MGAT4C: variants seen among roughly 807,000 people sequenced by gnomAD.
MGAT4C encodes MGAT4 family member C.
MGAT4C carries 19 observed loss-of-function variants against 40.1 expected under a neutral mutation model. That is an observed-to-expected ratio of 0.47 (90% CI 0.33 to 0.70). MGAT4C has a LOEUF of 0.70. MGAT4C is among the 30% of genes least tolerant of loss of function. MGAT4C has a pLI of 0.02. For synonymous variants in MGAT4C, 181 were observed against 187.1 expected, an observed-to-expected ratio of 0.97 and a Z score of 0.27; for missense variants, 491 against 563.2, an observed-to-expected ratio of 0.87 and a Z score of 1.30.
At chr12:86,364,351 C>T (rs550868081) in intron 3 of MGAT4C, among the ~76,000 whole-genome samples, 1 of 152,124 alleles carries the variant, frequency 6.6e-6, no homozygotes, top group East Asian at 1.9e-4. Context: ...CTTCTGGGGA[C>T]TAAGCATAAT....
At chr12:86,741,114 T>C (rs1951061581) in intron 1 of MGAT4C, among the ~76,000 whole-genome samples, 1 of 151,084 alleles carries the variant, frequency 6.6e-6, no homozygotes, top group Non-Finnish European at 1.5e-5. Flanking sequence ...TGGTTTTCTG[T>C]TCCTGGTTTA....
chr12:86,793,420 C>T lies in MGAT4C; in HGVS notation c.-262+45246G>A, dbSNP rs188215261. Among the ~76,000 whole-genome samples, 251 of 152,034 alleles carry T rather than the reference C, an allele frequency of 1.7e-3. 1 individual carries two copies. Among genetic ancestry groups the T allele is most frequent in the Admixed American group, 5.2e-3 (79 of 15,248 alleles). ...TGTTGCCATTAGTATTTTAATAATC[C>T]TGGGTTTTAGAAATATTTTTATTTA... On this transcript the variant is annotated intron_variant, in intron 1 of 7. Coordinates refer to the MGAT4C transcript ENST00000548651.
chr12:86,039,243 T>C (rs985800396), intron 2 of MGAT4C, among the ~76,000 whole-genome samples: 1 of 152,206 alleles, frequency 6.6e-6, no homozygotes, highest in Non-Finnish European at 1.5e-5. Flanking sequence ...TTCTCTCTGT[T>C]TCCTGAATTT....
intron 2 of MGAT4C, among the ~76,000 whole-genome samples, chr12:86,723,596 G>A (rs1446492803): frequency 6.6e-6 from 1 of 151,890 alleles, no homozygotes; most frequent in East Asian, 1.9e-4. Context: ...CTATTATATT[G>A]AACAAGGGCT....
chr12:86,376,820 G>C lies in MGAT4C; in HGVS notation c.-119-42693C>G, dbSNP rs1422372936. Reference sequence around the variant, plus strand: ...AGAGAGAGACAGAGAGAGAGAGACAGAGAGAGAGAGAGAGAGAGAGAGACA... The same window carrying C: ...AGAGAGAGACAGAGAGAGAGAGACACAGAGAGAGAGAGAGAGAGAGAGACA... On this transcript the variant is annotated intron_variant, in intron 3 of 7. Transcript: ENST00000548651. 4.5e-4 allele frequency among the ~76,000 whole-genome samples: 9 copies of C among 20,088 alleles called. No homozygotes were observed. The East Asian group carries it at 0.076, about 170-fold the overall frequency. The allele number at this position is 20,088 out of a possible 152,430, so 13.2% of individuals were successfully genotyped here.
chr12:86,552,436 A>C (rs971612982), intron 2 of MGAT4C, among the ~76,000 whole-genome samples: 2 of 152,116 alleles, frequency 1.3e-5, no homozygotes, highest in Admixed American at 6.5e-5. Context: ...TACACAGAAA[A>C]AATAAGTTCT....
At chr12:86,767,971 C>G (rs1951547341) in intron 1 of MGAT4C, among the ~76,000 whole-genome samples, 3 of 152,146 alleles carry the variant, frequency 2.0e-5, no homozygotes, top group Non-Finnish European at 2.9e-5. Context: ...CAGGGATGCC[C>G]TCTCTCACCA....
Position 86,410,489 on chromosome 12 carries a change from G to A in MGAT4C, c.-120+24668C>T, listed in dbSNP as rs185070298. Among the ~76,000 whole-genome samples, 211 of 152,128 alleles carry A rather than the reference G, an allele frequency of 1.4e-3. 1 individual carries two copies. The highest frequency in any genetic ancestry group is 4.7e-3 in the African/African-American group (196 of 41,508). On this transcript the variant is annotated intron_variant, in intron 3 of 7. Transcript: ENST00000548651. The stretch of plus-strand genomic sequence containing the variant: ...GAAAAAATATGGCTCTATTCTGCCC[G>A]ACCACACAGGCGGTCAGACCTTTGG...
At chr12:85,989,345 C>G in intron 3 of MGAT4C, 55 bp downstream of exon 3, 1 of 1,463,712 alleles carries the variant, frequency 6.8e-7, no homozygotes, top group Non-Finnish European at 9.2e-7. Context: ...GGGACTAATT[C>G]TTGTTTGACT....
At chr12:86,125,015 A>G (rs1358899434) in intron 1 of MGAT4C, among the ~76,000 whole-genome samples, 1 of 152,136 alleles carries the variant, frequency 6.6e-6, no homozygotes, top group Non-Finnish European at 1.5e-5. Context: ...ATGAAGAAAG[A>G]GCTCACACAG....
intron 2 of MGAT4C, among the ~76,000 whole-genome samples, chr12:86,456,828 G>A (rs1957518136): frequency 6.6e-6 from 1 of 152,068 alleles, no homozygotes; most frequent in Admixed American, 6.6e-5. Context: ...TAGAAATCTT[G>A]CATTATGAGC....
At chr12:86,249,344 T>C (rs185523161) in intron 1 of MGAT4C, among the ~76,000 whole-genome samples, 3 of 152,308 alleles carry the variant, frequency 2.0e-5, no homozygotes, top group Admixed American at 2.0e-4. Context: ...ATCCATTATT[T>C]AAAATAACTT....
rs1039406405 is a variant in MGAT4C at position 85,991,447 on chromosome 12, G to A, written c.-6-1895C>T. 4.6e-5 allele frequency among the ~76,000 whole-genome samples: 7 copies of A among 152,124 alleles called. No homozygotes were observed. The South Asian group carries it at 1.0e-3, about 22-fold the overall frequency. Reference sequence around the variant, plus strand: ...AGGCCTTCACCAGCCTGAAGGTGGGGCTTCACTGGGGACCCACCCCCTTCC... The same window carrying A: ...AGGCCTTCACCAGCCTGAAGGTGGGACTTCACTGGGGACCCACCCCCTTCC... On this transcript the variant is annotated intron_variant, in intron 2 of 4. Coordinates refer to ENST00000611864, the MANE Select transcript of MGAT4C (RefSeq NM_001351288.2).
rs1883835936 is a variant in MGAT4C at position 85,974,675 on chromosome 12, A to G, written c.*4614T>C. 1 of 150,742 alleles carries G rather than the reference A, an allele frequency of 6.6e-6. No individual in the cohort carries two copies. The highest frequency in any genetic ancestry group is 1.5e-5 in the Non-Finnish European group (1 of 67,022). 9.3% of individuals were successfully genotyped at this position (150,742 alleles called of 1,614,324 possible). A position where few individuals can be genotyped will look rare whatever the true frequency, so the allele number is the denominator to read the frequency against. On this transcript the variant is annotated 3_prime_UTR_variant, in exon 5 of 5. Coordinates refer to ENST00000611864, the MANE Select transcript of MGAT4C (RefSeq NM_001351288.2). ...ATCCTCTGTTTGGGATAAATAAAAA[A>G]AAAGTTTAAAAGCAAACAAAAAATA... is the stretch of plus-strand genomic sequence containing the variant.
At chr12:86,431,014 G>C (rs1335963793) in intron 3 of MGAT4C, among the ~76,000 whole-genome samples, 1 of 152,202 alleles carries the variant, frequency 6.6e-6, no homozygotes, top group Non-Finnish European at 1.5e-5. Context: ...GCCAAGTTAA[G>C]CTGGTCTAGC....
chr12:86,403,898 G>C (rs1383879149), intron 3 of MGAT4C, among the ~76,000 whole-genome samples: 1 of 152,148 alleles, frequency 6.6e-6, no homozygotes, highest in East Asian at 1.9e-4. Context: ...AGGCAGGATA[G>C]TTTTTGATAA....
chr12:86,210,387 A>G (rs1412325450), intron 1 of MGAT4C, among the ~76,000 whole-genome samples: 3 of 152,230 alleles, frequency 2.0e-5, no homozygotes, highest in African/African-American at 4.8e-5. Flanking sequence ...TTATTTCACT[A>G]TAAAAAAACT....
At chr12:86,271,862 A>G (rs1952959835) in intron 4 of MGAT4C, among the ~76,000 whole-genome samples, 2 of 152,192 alleles carry the variant, frequency 1.3e-5, no homozygotes, top group African/African-American at 4.8e-5. Context: ...CAAGGATAGA[A>G]CTGGGAGGTC....
intron 2 of MGAT4C, among the ~76,000 whole-genome samples, chr12:86,627,915 G>C (rs1403667467): frequency 6.6e-6 from 1 of 152,106 alleles, no homozygotes; most frequent in Non-Finnish European, 1.5e-5. Context: ...GACAGAAGTA[G>C]GCTTCAGAAA....
Sources: gnomAD v4.1 joint callset for allele counts (sites outside exome capture counted in the v4.1 genomes callset) on GRCh38, gnomAD v4.1.1 for gene constraint, MANE v1.5 for transcripts, NCBI Gene and HGNC (gene_info 2026-07-23, HGNC 2026-07-21) for gene names.